The following NAALADL2 variants were observed in gnomAD, a reference collection of about 807,000 sequenced individuals.
NAALADL2 encodes the protein inactive N-acetylated-alpha-linked acidic dipeptidase-like protein 2.
A neutral mutation model predicts 87.2 loss-of-function variants in NAALADL2; 76 were observed. The ratio of observed to expected loss-of-function variants is 0.87; its 90% CI spans 0.72 to 1.05. NAALADL2 has a LOEUF of 1.05. Among genes scored for constraint, NAALADL2 ranks in the 50% least tolerant of loss-of-function variants. The pLI, the probability that NAALADL2 is intolerant of heterozygous loss-of-function variation, is 0.00. For missense variants in NAALADL2, 1,089 were observed against 945.8 expected, an observed-to-expected ratio of 1.15 and a Z score of -1.99; for synonymous variants, 354 against 331.0, an observed-to-expected ratio of 1.07 and a Z score of -0.75.
chr3:174,932,887 G>A (rs1340953234), intron 1 of NAALADL2, among the ~76,000 whole-genome samples: 2 of 152,174 alleles, frequency 1.3e-5, no homozygotes, highest in Non-Finnish European at 2.9e-5. Context: ...GGAGGCTGAG[G>A]CGGACGGGTC....
At chr3:175,439,170 A>G (rs1165590694) in intron 5 of NAALADL2, among the ~76,000 whole-genome samples, 1 of 152,150 alleles carries the variant, frequency 6.6e-6, no homozygotes, top group African/African-American at 2.4e-5. Context: ...GTTGCTGCAA[A>G]TGCCATTATT....
intron 2 of NAALADL2, among the ~76,000 whole-genome samples, chr3:175,140,442 A>G: frequency 6.6e-6 from 1 of 152,166 alleles, no homozygotes; most frequent in South Asian, 2.1e-4. Flanking sequence ...TAAAGGCAAG[A>G]CAGTGTGCAA....
At chr3:174,928,361 T>C (rs1579573808) in intron 1 of NAALADL2, among the ~76,000 whole-genome samples, 1 of 152,104 alleles carries the variant, frequency 6.6e-6, no homozygotes, top group South Asian at 2.1e-4. Context: ...TGCCTCATCC[T>C]CTCGAGTACC....
At chr3:175,470,680 A>C (rs187393932) in intron 8 of NAALADL2, among the ~76,000 whole-genome samples, 4 of 151,754 alleles carry the variant, frequency 2.6e-5, no homozygotes, top group African/African-American at 4.9e-5. Context: ...TGCTTGCACA[A>C]AAAAAAACAG....
chr3:174,712,234 G>A (rs2108918723), intron 2 of NAALADL2, among the ~76,000 whole-genome samples: 1 of 152,112 alleles, frequency 6.6e-6, no homozygotes, highest in Non-Finnish European at 1.5e-5. Flanking sequence ...TGTCTGAATG[G>A]TATCTTGATA....
intron 10 of NAALADL2, among the ~76,000 whole-genome samples, chr3:175,618,630 C>G (rs1402828788): frequency 6.6e-6 from 1 of 152,050 alleles, no homozygotes; most frequent in East Asian, 1.9e-4. Context: ...GAAAGGCATC[C>G]CTTAGTCGCC....
chr3:175,199,856 A>T lies in NAALADL2; in HGVS notation c.546-34075A>T, dbSNP rs1477511828. Among the ~76,000 whole-genome samples, 17 of 19,428 alleles carry T rather than the reference A, an allele frequency of 8.8e-4. 1 individual carries two copies. The highest frequency in any genetic ancestry group is 3.2e-3 in the East Asian group (2 of 622). 12.7% of individuals were successfully genotyped at this position (19,428 alleles called of 152,430 possible). ...TATATATATATATATATATATATAT[A>T]TATATATATTTTTTTTTTTTTTTTT... On this transcript the variant is annotated intron_variant, in intron 2 of 13. Coordinates refer to ENST00000454872, the MANE Select transcript of NAALADL2 (RefSeq NM_207015.3).
chr3:175,228,750 C>T (rs559761344), intron 2 of NAALADL2, among the ~76,000 whole-genome samples: 31 of 151,960 alleles, frequency 2.0e-4, no homozygotes, highest in African/African-American at 6.5e-4. Context: ...TAATATCCAA[C>T]CTCTTCTAGA....
chr3:174,867,311 G>A (rs1368980596), intron 1 of NAALADL2, among the ~76,000 whole-genome samples: 3 of 151,846 alleles, frequency 2.0e-5, no homozygotes, highest in Admixed American at 6.6e-5. Flanking sequence ...GGTTGTTTCT[G>A]CTGAACTTCT....
chr3:174,565,977 G>A (rs1315510217), intron 2 of NAALADL2, among the ~76,000 whole-genome samples: 1 of 151,690 alleles, frequency 6.6e-6, no homozygotes, highest in Non-Finnish European at 1.5e-5. Flanking sequence ...CTGTCTATAT[G>A]CCCTACTTTT....
chr3:174,696,593 TAAAAAAAAAAA>T (rs62946360), intron 2 of NAALADL2, among the ~76,000 whole-genome samples: 1 of 110,524 alleles, frequency 9.0e-6, no homozygotes, highest in African/African-American at 3.8e-5. Context: ...TGTAGTTATC[TAAAAAAAAAAA>T]AAAAAAAAAA....
chr3:175,088,384 C>G (rs1719453032), intron 1 of NAALADL2, among the ~76,000 whole-genome samples: 1 of 152,136 alleles, frequency 6.6e-6, no homozygotes, highest in Non-Finnish European at 1.5e-5. Flanking sequence ...TCCTTCTTTC[C>G]CACGACTTAA....
At chr3:174,936,797 A>G (rs1195338067) in intron 1 of NAALADL2, among the ~76,000 whole-genome samples, 2 of 152,128 alleles carry the variant, frequency 1.3e-5, no homozygotes, top group Non-Finnish European at 2.9e-5. Flanking sequence ...TTTTATTGGA[A>G]TACAGTCACA....
At chr3:174,601,406 C>A (rs1176590543) in intron 2 of NAALADL2, among the ~76,000 whole-genome samples, 1 of 152,044 alleles carries the variant, frequency 6.6e-6, no homozygotes, top group Non-Finnish European at 1.5e-5. Flanking sequence ...ATGTTGAGCA[C>A]CTCTTCATAT....
At chr3:175,664,506 G>A (rs1732689878) in intron 11 of NAALADL2, among the ~76,000 whole-genome samples, 1 of 152,068 alleles carries the variant, frequency 6.6e-6, no homozygotes, top group African/African-American at 2.4e-5. Flanking sequence ...TTAATCTTCA[G>A]TATCTATAGT....
intron 2 of NAALADL2, among the ~76,000 whole-genome samples, chr3:175,194,078 C>T (rs1433273088): frequency 6.6e-6 from 1 of 151,798 alleles, no homozygotes; most frequent in Admixed American, 6.6e-5. Context: ...TGCAGAATGT[C>T]ATTGTAAACA....
chr3:175,635,011 T>G (rs1300470428), intron 11 of NAALADL2, among the ~76,000 whole-genome samples: 1 of 152,078 alleles, frequency 6.6e-6, no homozygotes, highest in African/African-American at 2.4e-5. Context: ...TAGTAGCATA[T>G]TAAAACCAAT....
At chr3:175,718,195 G>GTTTTGTTTT in intron 11 of NAALADL2, 1 of 822,738 alleles carries the variant, frequency 1.2e-6, no homozygotes, top group Admixed American at 3.6e-5. Flanking sequence ...AGGGCCTGTG[G>GTTTTGTTTT]TTTTTTTTTT....
At chr3:175,290,616 AC>A (rs1755533663) in intron 4 of NAALADL2, among the ~76,000 whole-genome samples, 2 of 152,124 alleles carry the variant, frequency 1.3e-5, no homozygotes, top group African/African-American at 4.8e-5. Context: ...TTATATCTTA[AC>A]CCATTTGTGT....
Sources: allele counts gnomAD v4.1 joint callset (sites outside exome capture counted in the v4.1 genomes callset), GRCh38; gene constraint gnomAD v4.1.1; transcripts MANE v1.5; gene names NCBI Gene and HGNC (gene_info 2026-07-23, HGNC 2026-07-21).